LRP8: variants seen among roughly 807,000 people sequenced by gnomAD.
The protein encoded by LRP8 is LDL receptor related protein 8.
In LRP8, 46 loss-of-function variants were observed where a neutral mutation model predicts 111.6. The observed-to-expected ratio is 0.41, with a 90% CI of 0.33 to 0.53. The LOEUF (loss-of-function observed/expected upper bound fraction) is 0.53. Among genes scored for constraint, LRP8 ranks in the 20% least tolerant of loss-of-function variants. The probability of loss-of-function intolerance (pLI) is 0.20; values close to 1 mark genes in which losing one functional copy is unlikely to be tolerated. For synonymous variants in LRP8, 464 were observed against 511.2 expected (o/e 0.91, Z 1.24); for missense variants, 959 against 1,297.4 (o/e 0.74, Z 4.01).
At chr1:53,302,379 C>T (rs765001132) in intron 2 of LRP8, among the ~76,000 whole-genome samples, 1 of 152,114 alleles carries the variant, frequency 6.6e-6, no homozygotes, top group African/African-American at 2.4e-5. Context: ...TTCCCAGCCT[C>T]GGGCTCACGT....
At chr1:53,302,832 G>A (rs1334146593) in intron 2 of LRP8, among the ~76,000 whole-genome samples, 1 of 147,486 alleles carries the variant, frequency 6.8e-6, no homozygotes, top group Non-Finnish European at 1.5e-5. Context: ...TGGGACTGCA[G>A]GCGTGCACCA....
Position 53,250,598 on chromosome 1 carries a change from A to G in LRP8, c.2676+92T>C. On this transcript the variant is annotated intron_variant, in intron 17 of 18. Transcript: ENST00000306052. The surrounding 1 kb of genome is among the most constrained non-coding windows in gnomAD (Gnocchi z 4.6). ...ACGGAAGGAAGGAAGGGAGGGAAGA[A>G]AGGATGGGAAGGAAGAAAGGATGGG... is the stretch of plus-strand genomic sequence containing the variant. The G allele has an allele frequency of 8.9e-7, 1 of 1,124,514 alleles. No homozygotes were observed. The allele number at this position is 1,124,514 out of a possible 1,614,324, so 69.7% of individuals were successfully genotyped here.
chr1:53,256,586 A>T (rs996439560), intron 15 of LRP8, among the ~76,000 whole-genome samples: 42 of 152,254 alleles, frequency 2.8e-4, no homozygotes, highest in African/African-American at 9.9e-4. Context: ...AGGGGAAAAA[A>T]TTAAAAAGAT....
Position 53,250,929 on chromosome 1 carries a change from A to G in LRP8, c.2504-67T>C. 1.4e-6 allele frequency: 2 copies of G among 1,399,932 alleles called. No individual in the cohort carries two copies. Among genetic ancestry groups the G allele is most frequent in the Non-Finnish European group, 2.0e-6 (2 of 992,902 alleles). The allele number at this position is 1,399,932 out of a possible 1,614,324, so 86.7% of individuals were successfully genotyped here. Reference sequence around the variant, plus strand: ...AACCCACTGCTCAGACATCTGTACAAGGCTTGTCACCACTCCACTTTTACT... The same window carrying G: ...AACCCACTGCTCAGACATCTGTACAGGGCTTGTCACCACTCCACTTTTACT... On this transcript the variant is annotated intron_variant, in intron 16 of 18. Transcript: ENST00000306052. This position sits in a 1 kb window ranked among gnomAD's most constrained non-coding sequence, Gnocchi z 4.6.
At chr1:53,313,992 T>A (rs1423427288) in intron 2 of LRP8, among the ~76,000 whole-genome samples, 1 of 152,064 alleles carries the variant, frequency 6.6e-6, no homozygotes, top group African/African-American at 2.4e-5. Context: ...AGGCCCAGGC[T>A]GGCAGGTAGG....
chr1:53,268,563 T>TTATAATTTATAA (rs1646659316), intron 8 of LRP8: 1 of 152,236 alleles, frequency 6.6e-6, no homozygotes, highest in South Asian at 2.1e-4. Flanking sequence ...GCTGCTGTAT[T>TTATAATTTATAA]GTTATAATTT....
At chr1:53,270,926 C>T (rs771424405) in intron 8 of LRP8, 102 bp downstream of exon 8, 64 of 1,543,010 alleles carry the variant, frequency 4.1e-5, no homozygotes, top group Non-Finnish European at 5.4e-5. Context: ...AACCTGCCTT[C>T]TTGTGTGTGC....
chr1:53,251,313 C>T (rs1159174142), intron 16 of LRP8, among the ~76,000 whole-genome samples: 1 of 152,102 alleles, frequency 6.6e-6, no homozygotes, highest in Non-Finnish European at 1.5e-5. Context: ...CTGCTGCTTC[C>T]CTAGATTTCT....
rs1557772271 is a variant in LRP8 at position 53,266,827 on chromosome 1, C to T, written c.1253-180G>A. ...TAATGAGTACAGAAAGCAGAAGATGCAGAGCACCACGCATAGCAGGAAGAT... is the reference window on the plus strand; with the variant it reads ...TAATGAGTACAGAAAGCAGAAGATGTAGAGCACCACGCATAGCAGGAAGAT... On this transcript the variant is annotated intron_variant, in intron 8 of 18. Transcript: ENST00000306052. This position sits in a 1 kb window ranked among gnomAD's most constrained non-coding sequence, Gnocchi z 5.0. 1.7e-6 allele frequency: 1 copy of T among 592,794 alleles called. No homozygotes were observed. Among genetic ancestry groups the T allele is most frequent in the East Asian group, 2.8e-5 (1 of 35,892 alleles). 36.7% of individuals were successfully genotyped at this position (592,794 alleles called of 1,614,324 possible). A position where few individuals can be genotyped will look rare whatever the true frequency, so the allele number is the denominator to read the frequency against.
chr1:53,288,923 G>C (rs1213404734), intron 3 of LRP8, among the ~76,000 whole-genome samples: 1 of 152,160 alleles, frequency 6.6e-6, no homozygotes, highest in Non-Finnish European at 1.5e-5. Context: ...CCTGAGTGTA[G>C]GGGGCAGGCC....
chr1:53,327,029 C>A (rs1655227777), intron 1 of LRP8, 37 bp from the exon 2 acceptor site: 1 of 1,606,132 alleles, frequency 6.2e-7, no homozygotes, highest in Admixed American at 1.7e-5. Flanking sequence ...GATCAGCGGA[C>A]TCGGCCCCAC....
chr1:53,312,745 C>T (rs1347448710), intron 2 of LRP8, among the ~76,000 whole-genome samples: 1 of 152,112 alleles, frequency 6.6e-6, no homozygotes, highest in Non-Finnish European at 1.5e-5. Flanking sequence ...CCTGAGAGAG[C>T]AGTGGCCAGG....
chr1:53,301,640 C>T (rs777513701), intron 2 of LRP8, among the ~76,000 whole-genome samples: 6 of 151,336 alleles, frequency 4.0e-5, no homozygotes, highest in Non-Finnish European at 7.4e-5. Flanking sequence ...CTGGGGTGGT[C>T]GGCTGGCTTG....
chr1:53,247,546 G>A (rs573120304), intron 18 of LRP8, among the ~76,000 whole-genome samples: 1 of 152,224 alleles, frequency 6.6e-6, no homozygotes, highest in African/African-American at 2.4e-5. Context: ...AGGCAATGCA[G>A]GTTAATTAAA....
chr1:53,252,224 C>G (rs553222097), intron 16 of LRP8, among the ~76,000 whole-genome samples: 17 of 152,028 alleles, frequency 1.1e-4, no homozygotes, highest in African/African-American at 4.1e-4. Context: ...TAATCAGCAA[C>G]AACCAATTAG....
chr1:53,264,452 G>T lies in LRP8; in HGVS notation c.1428-56C>A, dbSNP rs1646474104. ...AGATGTTCCACCCATGGGCCCATCTGGAGCTACCTGTGCACCCTTCCCCTC... is the reference window on the plus strand; with the variant it reads ...AGATGTTCCACCCATGGGCCCATCTTGAGCTACCTGTGCACCCTTCCCCTC... On this transcript the variant is annotated intron_variant, in intron 9 of 18. Coordinates refer to ENST00000306052, the MANE Select transcript of LRP8 (RefSeq NM_004631.5). The T allele has an allele frequency of 1.2e-5, 17 of 1,394,706 alleles. No individual in the cohort carries two copies. In the South Asian group the frequency reaches 2.1e-4, roughly 17 times the overall value. The allele number at this position is 1,394,706 out of a possible 1,614,324, so 86.4% of individuals were successfully genotyped here.
rs1303661610 is a variant in LRP8, at chr1:53,279,047, C to A, written c.496+1540G>T. Among the ~76,000 whole-genome samples the A allele has an allele frequency of 6.6e-6, 1 of 151,960 alleles. No individual in the cohort carries two copies. Among genetic ancestry groups the A allele is most frequent in the Non-Finnish European group, 1.5e-5 (1 of 68,012 alleles). On this transcript the variant is annotated intron_variant, in intron 4 of 18. Transcript: ENST00000306052. The surrounding 1 kb of genome is among the most constrained non-coding windows in gnomAD (Gnocchi z 4.4). The stretch of plus-strand genomic sequence containing the variant: ...GTGCTGGGATTACAGGCATGAGCCA[C>A]CGCGCCCCGCCTTAATTTTTAATTT...
intron 2 of LRP8, among the ~76,000 whole-genome samples, chr1:53,326,469 G>C (rs193152142): frequency 6.6e-6 from 1 of 152,254 alleles, no homozygotes; most frequent in Non-Finnish European, 1.5e-5. Context: ...AGTGCGGCCC[G>C]GAGCTGCGTG....
At chr1:53,280,514 C>T in intron 4 of LRP8, 73 bp downstream of exon 4, 1 of 1,571,774 alleles carries the variant, frequency 6.4e-7, no homozygotes, top group Non-Finnish European at 8.6e-7. Flanking sequence ...GCCCCCTCCC[C>T]AGAAGTGGCT....
Sources: allele counts gnomAD v4.1 joint callset (sites outside exome capture counted in the v4.1 genomes callset), GRCh38; gene constraint gnomAD v4.1.1; non-coding constraint Gnocchi (gnomAD v3.1); transcripts MANE v1.5; gene names NCBI Gene and HGNC (gene_info 2026-07-23, HGNC 2026-07-21).